The following UPF2 variants were observed in gnomAD, a reference collection of about 807,000 sequenced individuals.
UPF2 encodes the protein regulator of nonsense transcripts 2.
In UPF2, 17 loss-of-function variants were observed where a neutral mutation model predicts 141.4. That is an observed-to-expected ratio of 0.12 (90% CI 0.08 to 0.18). The LOEUF is 0.18. Ranked by LOEUF, UPF2 falls within the 10% of genes least tolerant of loss-of-function variation. The probability of loss-of-function intolerance (pLI) is 1.00; values close to 1 mark genes in which losing one functional copy is unlikely to be tolerated. For missense variants in UPF2, 1,152 were observed against 1,515.9 expected, an observed-to-expected ratio of 0.76 and a Z score of 3.99; for synonymous variants, 540 against 498.0, an observed-to-expected ratio of 1.08 and a Z score of -1.12.
chr10:11,942,790 G>C, intron 17 of UPF2, 27 bp from the exon 18 acceptor site: 1 of 1,600,924 alleles, frequency 6.2e-7, no homozygotes, highest in Non-Finnish European at 8.5e-7. Context: ...AACAAAATCA[G>C]ACCAGAAATT....
intron 9 of UPF2, among the ~76,000 whole-genome samples, chr10:11,974,769 A>G (rs1564351459): frequency 2.0e-5 from 3 of 152,154 alleles, no homozygotes; most frequent in African/African-American, 7.2e-5. Flanking sequence ...GTGCTGCTGG[A>G]ATTAAAGAGT....
rs1476971245 is a variant in UPF2, at chr10:11,959,336, C to T, written c.2205G>A (p.Lys735=). ...ATCTCGCATCAAGATGCATTGCTTG[C>T]TTCTTTCTCATCATTTGCTCCTGAA... ...SVLLEQMMRK[K]QAMHLDARYV... Residue 735 remains lysine (K), a synonymous_variant, in exon 12 of 22, where the codon AAG becomes AAA. Transcript: ENST00000357604. The surrounding 1 kb of genome is among the most constrained non-coding windows in gnomAD (Gnocchi z 5.9). 2 of 1,569,366 alleles carry T rather than the reference C, an allele frequency of 1.3e-6. No homozygotes were observed. Among genetic ancestry groups the T allele is most frequent in the Admixed American group, 4.1e-5 (2 of 48,786 alleles).
chr10:12,040,581 C>T (rs1017568410), intron 1 of UPF2, among the ~76,000 whole-genome samples: 17 of 151,838 alleles, frequency 1.1e-4, no homozygotes, highest in African/African-American at 3.9e-4. Flanking sequence ...AGTATACTTG[C>T]GACTAAATTT....
chr10:11,948,260 A>AC, intron 16 of UPF2, 109 bp downstream of exon 16: 2 of 1,147,008 alleles, frequency 1.7e-6, no homozygotes, highest in South Asian at 1.8e-5. Flanking sequence ...AAAAAAAAAA[A>AC]AAAAAAAAAA....
chr10:12,003,923 CAAAAAAAAA>C lies in UPF2; in HGVS notation c.1504+598_1504+606del, dbSNP rs34191709. Among the ~76,000 whole-genome samples, 12 of 81,554 alleles carry C rather than the reference CAAAAAAAAA, an allele frequency of 1.5e-4. No homozygotes were observed. In the South Asian group the frequency reaches 1.9e-3, roughly 13 times the overall value. 53.5% of individuals were successfully genotyped at this position (81,554 alleles called of 152,430 possible). ...CTGGACAAGAGCAAAAACTCCGCCTCAAAAAAAAAAAAAAAAAAAAAGAATGCATAGAAG... is the reference window on the plus strand; with the variant it reads ...CTGGACAAGAGCAAAAACTCCGCCTCAAAAAAAAAAAAGAATGCATAGAAG... On this transcript the variant is annotated intron_variant, in intron 5 of 21. Coordinates refer to ENST00000357604, the MANE Select transcript of UPF2 (RefSeq NM_015542.4).
chr10:12,033,891 GT>G (rs1834573129), intron 2 of UPF2, among the ~76,000 whole-genome samples: 1 of 152,110 alleles, frequency 6.6e-6, no homozygotes, highest in Admixed American at 6.5e-5. Flanking sequence ...CTATTCAACA[GT>G]AGTCACTGCT....
intron 8 of UPF2, among the ~76,000 whole-genome samples, chr10:11,987,303 T>TGGAC (rs1833708905): frequency 6.6e-6 from 1 of 152,268 alleles, no homozygotes; most frequent in Non-Finnish European, 1.5e-5. Flanking sequence ...AGCCTGCACA[T>TGGAC]GGACCCTTGC....
At chr10:12,015,687 G>A (rs550821014) in intron 3 of UPF2, among the ~76,000 whole-genome samples, 1 of 152,274 alleles carries the variant, frequency 6.6e-6, no homozygotes, top group African/African-American at 2.4e-5. Context: ...GGGTGACAGA[G>A]TCAGACTCTT....
chr10:11,999,273 G>T (rs547282393), intron 7 of UPF2, among the ~76,000 whole-genome samples: 2 of 151,884 alleles, frequency 1.3e-5, no homozygotes, highest in South Asian at 2.1e-4. Flanking sequence ...GAGCACTTCG[G>T]GAGGCCAAGG....
At chr10:11,986,032 C>G (rs1035069584) in intron 8 of UPF2, among the ~76,000 whole-genome samples, 8 of 151,540 alleles carry the variant, frequency 5.3e-5, no homozygotes, top group Admixed American at 4.6e-4. Flanking sequence ...CTACAGGCGC[C>G]CGCCACCAAG....
intron 7 of UPF2, among the ~76,000 whole-genome samples, chr10:11,999,251 T>C (rs1833913913): frequency 6.6e-6 from 1 of 151,858 alleles, no homozygotes; most frequent in Non-Finnish European, 1.5e-5. Context: ...TGGTGGCTCA[T>C]GCCTGTAATC....
chr10:12,021,053 A>G (rs1834309137), intron 3 of UPF2, among the ~76,000 whole-genome samples: 1 of 152,206 alleles, frequency 6.6e-6, no homozygotes, highest in South Asian at 2.1e-4. Context: ...CTTCAAAAAC[A>G]AGTGCTAAAT....
In UPF2 at chr10:11,920,888, A is replaced by T. The variant is rs1337899598; in HGVS notation, c.*410T>A. 3 of 411,730 alleles carry T rather than the reference A, an allele frequency of 7.3e-6. No individual in the cohort carries two copies. The highest frequency in any genetic ancestry group is 1.5e-5 in the Non-Finnish European group (3 of 201,200). The allele number at this position is 411,730 out of a possible 1,614,324, so 25.5% of individuals were successfully genotyped here. A position where few individuals can be genotyped will look rare whatever the true frequency, so the allele number is the denominator to read the frequency against. ...AACGTGGGATGTTCAATTCAGAGAC[A>T]CTGAAACTCAAATCAAGTTTAAAGC... On this transcript the variant is annotated 3_prime_UTR_variant, in exon 22 of 22. Transcript: ENST00000357604.
At chr10:11,974,320 C>T (rs1189190174) in intron 9 of UPF2, among the ~76,000 whole-genome samples, 1 of 152,142 alleles carries the variant, frequency 6.6e-6, no homozygotes, top group African/African-American at 2.4e-5. Flanking sequence ...ATGTCATCTG[C>T]AAACAGGGAC....
intron 3 of UPF2, among the ~76,000 whole-genome samples, chr10:12,024,685 C>T (rs1259903466): frequency 6.6e-6 from 1 of 150,988 alleles, no homozygotes; most frequent in Non-Finnish European, 1.5e-5. Flanking sequence ...ATAATCCCAA[C>T]ACTTTGGGAG....
chr10:11,970,630 G>A (rs181607639), intron 9 of UPF2, among the ~76,000 whole-genome samples: 431 of 152,050 alleles, frequency 2.8e-3, no homozygotes, highest in African/African-American at 6.0e-3. Flanking sequence ...TGGCCAACAC[G>A]GTGAAACCCT....
At chr10:11,983,025 T>C (rs1009962875) in intron 8 of UPF2, among the ~76,000 whole-genome samples, 3 of 152,170 alleles carry the variant, frequency 2.0e-5, no homozygotes, top group Admixed American at 2.0e-4. Context: ...ATTGTTCAGT[T>C]CCGTGGCAGA....
intron 5 of UPF2, among the ~76,000 whole-genome samples, chr10:12,003,444 A>G (rs962150567): frequency 7.9e-5 from 12 of 152,236 alleles, no homozygotes; most frequent in African/African-American, 2.9e-4. Flanking sequence ...GAAGGCAAGA[A>G]GGCAAGAAGA....
At chr10:12,012,954 C>A (rs544606861) in intron 4 of UPF2, among the ~76,000 whole-genome samples, 5 of 151,834 alleles carry the variant, frequency 3.3e-5, no homozygotes, top group Non-Finnish European at 5.9e-5. Flanking sequence ...GCCTGAGAAA[C>A]ATGGTAAAAC....
Sources: gnomAD v4.1 joint callset for allele counts (sites outside exome capture counted in the v4.1 genomes callset) on GRCh38, gnomAD v4.1.1 for gene constraint, Gnocchi (gnomAD v3.1) non-coding constraint, MANE v1.5 for transcripts, NCBI Gene and HGNC (gene_info 2026-07-23, HGNC 2026-07-21) for gene names.